The following DEFB135 variants were observed in gnomAD, a reference collection of about 807,000 sequenced individuals.
The protein encoded by DEFB135 is beta-defensin 135.
In DEFB135, 14 loss-of-function variants were observed where a neutral mutation model predicts 8.9. The observed-to-expected ratio is 1.58, with a 90% CI of 1.04 to 2.47. The LOEUF is 2.47. Among genes scored for constraint, DEFB135 ranks in the 30% most tolerant of loss-of-function variants. The probability of loss-of-function intolerance (pLI) is 0.00; values close to 1 mark genes in which losing one functional copy is unlikely to be tolerated. For missense variants in DEFB135, 135 were observed against 94.2 expected (o/e 1.43, Z -1.79); for synonymous variants, 51 against 34.5 (o/e 1.48, Z -1.67).
chr8:11,984,372 T>C, intron 1 of DEFB135, 49 bp from the exon 2 acceptor site: 1 of 1,343,594 alleles, frequency 7.4e-7, no homozygotes, highest in Non-Finnish European at 9.8e-7. Context: ...CATGACAACA[T>C]GACACTTCAG....
At position 11,982,271 on chromosome 8, in the gene DEFB135, CG is replaced by C. The variant is rs1799745621; in HGVS notation, c.-48del. The C allele has an allele frequency of 6.2e-7, 1 of 1,605,722 alleles. No homozygotes were observed. Among genetic ancestry groups the C allele is most frequent in the Admixed American group, 1.7e-5 (1 of 59,984 alleles). ...GCAGCTCCCCGTCTCTTCAAAGCTG[CG>C]GAGAGAGTGACTCTCCGATGAGTCA... On this transcript the variant is annotated 5_prime_UTR_variant, in exon 1 of 2. Transcript: ENST00000382208.
At chr8:11,984,302 T>C (rs1428994098) in intron 1 of DEFB135, 119 bp from the exon 2 acceptor site, 9 of 785,250 alleles carry the variant, frequency 1.1e-5, no homozygotes, top group Non-Finnish European at 1.6e-5. Context: ...TTGAGTATCT[T>C]TGATCGCGTC....
intron 1 of DEFB135, among the ~76,000 whole-genome samples, chr8:11,983,904 G>A (rs1369749004): frequency 6.6e-6 from 1 of 152,038 alleles, no homozygotes; most frequent in Non-Finnish European, 1.5e-5. Context: ...TACTTCTTAA[G>A]TACCTTGTGA....
intron 1 of DEFB135, among the ~76,000 whole-genome samples, chr8:11,983,927 C>T (rs1422915579): frequency 6.6e-6 from 1 of 152,070 alleles, no homozygotes; most frequent in Non-Finnish European, 1.5e-5. Flanking sequence ...AAGCACTTGA[C>T]AAAAAGTCAT....
chr8:11,982,714 G>A (rs1799760980), intron 1 of DEFB135, among the ~76,000 whole-genome samples: 1 of 152,192 alleles, frequency 6.6e-6, no homozygotes, highest in Admixed American at 6.5e-5. Context: ...CGAGGACTTG[G>A]GGATGAGAAG....
In DEFB135 at chr8:11,984,481, G is replaced by T; in HGVS notation, c.125G>T (p.Gly42Val). The change falls in exon 2 of 2, where the codon GGT (glycine) becomes GTT (valine). Residue 42 changes from glycine to valine, a missense_variant. By Grantham distance (109) the Gly-to-Val change is moderately radical. Transcript: ENST00000382208. Reference sequence around the variant, plus strand: ...TTTGCTTCATGTTGGCGACTGCAAGGTACTTGCCGGCCAAAATGTCTAAAA... The same window carrying T: ...TTTGCTTCATGTTGGCGACTGCAAGTTACTTGCCGGCCAAAATGTCTAAAA... ...KIFASCWRLQGTCRPKCLKNE... is the reference protein window; with the variant it reads ...KIFASCWRLQVTCRPKCLKNE... The T allele has an allele frequency of 4.4e-6, 7 of 1,583,708 alleles. No individual in the cohort carries two copies. Among genetic ancestry groups the T allele is most frequent in the Non-Finnish European group, 6.0e-6 (7 of 1,157,488 alleles).
At chr8:11,982,508 C>CA (rs1799754863) in intron 1 of DEFB135, 124 bp downstream of exon 1, 1 of 971,354 alleles carries the variant, frequency 1.0e-6, no homozygotes, top group African/African-American at 1.6e-5. Flanking sequence ...GGAAAGTGAG[C>CA]AGAGATGGAC....
intron 1 of DEFB135, among the ~76,000 whole-genome samples, chr8:11,983,120 G>A (rs892576692): frequency 8.5e-5 from 13 of 152,334 alleles, no homozygotes; most frequent in African/African-American, 2.2e-4. Flanking sequence ...GAGGCTGGGC[G>A]CGGTGGCTCA....
At chr8:11,984,374 A>T (rs746020845) in intron 1 of DEFB135, 47 bp from the exon 2 acceptor site, 1 of 1,345,760 alleles carries the variant, frequency 7.4e-7, no homozygotes, top group Non-Finnish European at 9.8e-7. Context: ...TGACAACATG[A>T]CACTTCAGGA....
At chr8:11,983,131 C>T (rs769439335) in intron 1 of DEFB135, among the ~76,000 whole-genome samples, 2 of 152,172 alleles carry the variant, frequency 1.3e-5, no homozygotes, top group Non-Finnish European at 2.9e-5. Context: ...CGGTGGCTCA[C>T]GCCTGCAATC....
chr8:11,982,405 T>A (rs1463314175), intron 1 of DEFB135, 21 bp downstream of exon 1: 2 of 1,613,762 alleles, frequency 1.2e-6, no homozygotes, highest in Non-Finnish European at 8.5e-7. Flanking sequence ...GTCCCCACCT[T>A]GTAGAATTAG....
Position 11,982,435 on chromosome 8 carries a change from G to A in DEFB135, c.64+51G>A, listed in dbSNP as rs751945199. On this transcript the variant is annotated intron_variant, in intron 1 of 1. Transcript: ENST00000382208. ...AATTAGGAATAGTAAAGGGAAAAAAGGTGTGAGGTTCTACAAGAGTGAGAA... is the reference window on the plus strand; with the variant it reads ...AATTAGGAATAGTAAAGGGAAAAAAAGTGTGAGGTTCTACAAGAGTGAGAA... 11 of 1,602,098 alleles carry A rather than the reference G, an allele frequency of 6.9e-6. No individual in the cohort carries two copies. The African/African-American group carries it at 1.5e-4, about 21-fold the overall frequency.
chr8:11,984,397 A>C (rs774167779), intron 1 of DEFB135, 24 bp from the exon 2 acceptor site: 4 of 1,492,150 alleles, frequency 2.7e-6, no homozygotes, highest in Non-Finnish European at 3.6e-6. Context: ...CTAACTGTGC[A>C]TTAACCTTTG....
intron 1 of DEFB135, among the ~76,000 whole-genome samples, chr8:11,983,427 C>T (rs1799781682): frequency 6.6e-6 from 1 of 152,054 alleles, no homozygotes; most frequent in Non-Finnish European, 1.5e-5. Flanking sequence ...AAAACGAAGA[C>T]AGATACGAAT....
In DEFB135 at chr8:11,982,377, T is replaced by G. The variant is rs771258699; in HGVS notation, c.57T>G (p.Val19=). 4 of 1,614,000 alleles carry G rather than the reference T, an allele frequency of 2.5e-6. No individual in the cohort carries two copies. The highest frequency in any genetic ancestry group is 2.7e-5 in the African/African-American group (2 of 74,896). Residue 19 remains valine, a synonymous_variant, in exon 1 of 2, where the codon GTT becomes GTG. Transcript: ENST00000382208. ...ALVVLNLLFY[V]PPGRSGPNVY... ...TGGTCCTTAACTTACTCTTCTATGT[T>G]CCACCAGGTAAAATGGAGTCCCCAC... is the stretch of plus-strand genomic sequence containing the variant.
chr8:11,983,138 A>T (rs986358869), intron 1 of DEFB135, among the ~76,000 whole-genome samples: 3 of 152,190 alleles, frequency 2.0e-5, no homozygotes, highest in South Asian at 2.1e-4. Flanking sequence ...TCACGCCTGC[A>T]ATCTAAGCAC....
chr8:11,983,065 C>T (rs1307920367), intron 1 of DEFB135, among the ~76,000 whole-genome samples: 2 of 152,122 alleles, frequency 1.3e-5, no homozygotes, highest in African/African-American at 2.4e-5. Flanking sequence ...ATATATAAAG[C>T]GTATCACTCA....
chr8:11,984,565 A>G lies in DEFB135; in HGVS notation c.209A>G (p.Tyr70Cys). 2 of 1,536,058 alleles carry G rather than the reference A, an allele frequency of 1.3e-6. No homozygotes were observed. Among genetic ancestry groups the G allele is most frequent in the African/African-American group, 1.4e-5 (1 of 73,148 alleles). ...TIHLCCVNPK[Y>C]LPILTGK Reference sequence around the variant, plus strand: ...CATTTGTGCTGTGTAAACCCAAAATATTTACCTATACTGACTGGGAAATAG... The same window carrying G: ...CATTTGTGCTGTGTAAACCCAAAATGTTTACCTATACTGACTGGGAAATAG... The change falls in exon 2 of 2, where the codon TAT becomes TGT. Residue 70 changes from tyrosine (Y) to cysteine (C), a missense_variant. Transcript: ENST00000382208.
chr8:11,982,526 G>T (rs1799755461), intron 1 of DEFB135, 142 bp downstream of exon 1: 2 of 849,652 alleles, frequency 2.4e-6, no homozygotes, highest in African/African-American at 1.7e-5. Context: ...GACATGCTGG[G>T]CTGGTCCAGA....
Sources: allele counts gnomAD v4.1 joint callset (sites outside exome capture counted in the v4.1 genomes callset), GRCh38; gene constraint gnomAD v4.1.1; transcripts MANE v1.5; gene names NCBI Gene and HGNC (gene_info 2026-07-23, HGNC 2026-07-21).